Variants in BRDT observed in about 807,000 individuals in gnomAD.
BRDT encodes bromodomain testis-specific protein.
In BRDT, 77 loss-of-function variants were observed where a neutral mutation model predicts 113.9. The ratio of observed to expected loss-of-function variants is 0.68; its 90% confidence interval spans 0.56 to 0.82. BRDT has a LOEUF of 0.82. Among genes scored for constraint, BRDT ranks in the 40% least tolerant of loss-of-function variants. The probability of loss-of-function intolerance (pLI) is 0.00; values close to 1 mark genes in which losing one functional copy is unlikely to be tolerated. For synonymous variants in BRDT, 358 were observed against 366.5 expected (o/e 0.98, Z 0.26); for missense variants, 1,027 against 1,105.4 (o/e 0.93, Z 1.01).
intron 12 of BRDT, among the ~76,000 whole-genome samples, chr1:91,982,345 G>C (rs1407111310): frequency 2.0e-5 from 3 of 152,038 alleles, no homozygotes; most frequent in African/African-American, 7.2e-5. Context: ...ATATTATCTT[G>C]TATAGTTTAG....
In BRDT at chr1:91,979,585, A is replaced by G. The variant is rs756349996; in HGVS notation, c.1115A>G (p.His372Arg). The G allele has an allele frequency of 6.2e-7, 1 of 1,606,826 alleles. No individual in the cohort carries two copies. The highest frequency in any genetic ancestry group is 2.2e-5 in the East Asian group (1 of 44,848). ...ARMLQDVFET[H>R]FSKIPIEPVE... The stretch of plus-strand genomic sequence containing the variant: ...TCATTACAGGATGTTTTCGAAACGC[A>G]TTTTTCAAAGATCCCGATTGAACCT... Residue 372 changes from histidine to arginine, a missense_variant, in exon 8 of 19, where the codon CAT becomes CGT. His to Arg is a conservative substitution (Grantham distance 29, BLOSUM62 0). Transcript: ENST00000399546.
chr1:91,964,742 C>G lies in BRDT; in HGVS notation c.308C>G (p.Ser103Ter). 3.4e-6 allele frequency: 5 copies of G among 1,476,458 alleles called. No individual in the cohort carries two copies. Among genetic ancestry groups the G allele is most frequent in the Non-Finnish European group, 4.6e-6 (5 of 1,092,204 alleles). The allele number at this position is 1,476,458 out of a possible 1,614,324, so 91.5% of individuals were successfully genotyped here. The change falls in exon 3 of 19, where the codon TCA becomes TGA. Residue 103 changes from serine to a stop codon, truncating the protein, a stop_gained. Coordinates refer to ENST00000399546, the MANE Select transcript of BRDT (RefSeq NM_207189.4). LOFTEE classifies it high-confidence loss of function. ...ATAGAAGACTTCAATACAATGTTCT[C>G]AAATTGTTATTTATATAACAAGGTA... ...ECIEDFNTMF[S>*]NCYLYNKPGD...
At chr1:91,988,879 T>G (rs2101724072) in intron 12 of BRDT, among the ~76,000 whole-genome samples, 1 of 152,368 alleles carries the variant, frequency 6.6e-6, no homozygotes, top group South Asian at 2.1e-4. Context: ...AAGTCAATTA[T>G]GTAAGATTAG....
chr1:91,972,845 A>G (rs1186310749), intron 4 of BRDT, among the ~76,000 whole-genome samples: 5 of 152,230 alleles, frequency 3.3e-5, no homozygotes, highest in Non-Finnish European at 7.3e-5. Context: ...GAGGAATATC[A>G]GCCCTATCTT....
intron 12 of BRDT, among the ~76,000 whole-genome samples, chr1:91,985,391 C>A (rs1384579888): frequency 6.6e-6 from 1 of 151,850 alleles, no homozygotes; most frequent in African/African-American, 2.4e-5. Flanking sequence ...AATGGGGTTT[C>A]ATCATGATGG....
intron 18 of BRDT, among the ~76,000 whole-genome samples, chr1:92,006,716 C>T (rs564126669): frequency 1.2e-3 from 186 of 152,282 alleles, no homozygotes; most frequent in African/African-American, 4.4e-3. Flanking sequence ...AATCGCCTGC[C>T]TCGGCCTCCC....
At chr1:91,963,522 AC>A (rs1251106898) in intron 2 of BRDT, among the ~76,000 whole-genome samples, 1 of 152,128 alleles carries the variant, frequency 6.6e-6, no homozygotes, top group African/African-American at 2.4e-5. Context: ...CCTGAATTTT[AC>A]CTTTTCTATG....
intron 4 of BRDT, among the ~76,000 whole-genome samples, chr1:91,973,955 A>C (rs1346527826): frequency 1.3e-5 from 2 of 152,196 alleles, no homozygotes; most frequent in African/African-American, 4.8e-5. Context: ...CCAATGGAAC[A>C]GAACAGAGCC....
intron 1 of BRDT, among the ~76,000 whole-genome samples, chr1:91,961,007 G>A (rs554886246): frequency 1.3e-5 from 2 of 152,188 alleles, no homozygotes; most frequent in East Asian, 1.9e-4. Flanking sequence ...TAATAAATTC[G>A]GTTTTAAAAT....
At chr1:91,959,574 G>A (rs1265042333) in intron 1 of BRDT, among the ~76,000 whole-genome samples, 3 of 151,888 alleles carry the variant, frequency 2.0e-5, no homozygotes, top group African/African-American at 7.3e-5. Flanking sequence ...TCTACCTCCC[G>A]GGTTCAAGTG....
intron 2 of BRDT, 98 bp from the exon 3 acceptor site, chr1:91,964,529 C>T (rs2101582499): frequency 2.7e-6 from 2 of 734,628 alleles, no homozygotes; most frequent in East Asian, 6.2e-5. Flanking sequence ...CAGTTGCTCT[C>T]TCTAGTTGCA....
chr1:92,004,490 C>T lies in BRDT; in HGVS notation c.2465C>T (p.Ser822Leu). The T allele has an allele frequency of 6.2e-7, 1 of 1,613,194 alleles. No individual in the cohort carries two copies. Among genetic ancestry groups the T allele is most frequent in the Non-Finnish European group, 8.5e-7 (1 of 1,179,678 alleles). The stretch of plus-strand genomic sequence containing the variant: ...AAACCATCAGGTGTAATGAAATCCT[C>T]AGATGAGCTCTTCAACCAATTTAGA... ...PVKPSGVMKSSDELFNQFRKA... is the reference protein window; with the variant it reads ...PVKPSGVMKSLDELFNQFRKA... The change falls in exon 17 of 19, where the codon TCA (serine) becomes TTA (leucine). Residue 822 changes from serine to leucine, a missense_variant. Transcript: ENST00000399546.
intron 3 of BRDT, among the ~76,000 whole-genome samples, chr1:91,965,252 C>G (rs970947557): frequency 2.0e-5 from 3 of 152,040 alleles, no homozygotes; most frequent in African/African-American, 7.2e-5. Flanking sequence ...TACTTTTTCA[C>G]TGAATTTCAT....
intron 15 of BRDT, among the ~76,000 whole-genome samples, chr1:91,999,930 C>T (rs754760691): frequency 6.6e-6 from 1 of 152,196 alleles, no homozygotes; most frequent in Non-Finnish European, 1.5e-5. Context: ...GGCTGGAGTA[C>T]AGTGGCGCAA....
chr1:91,968,911 A>ATTATTTATTTATTTATTTAT (rs141543100), intron 4 of BRDT, among the ~76,000 whole-genome samples: 2 of 147,698 alleles, frequency 1.4e-5, no homozygotes, highest in African/African-American at 5.0e-5. Flanking sequence ...TATCAGGAAA[A>ATTATTTATTTATTTATTTAT]TTATTTATTT....
chr1:91,957,330 A>T (rs1008889242), intron 1 of BRDT, among the ~76,000 whole-genome samples: 2 of 152,066 alleles, frequency 1.3e-5, no homozygotes, highest in African/African-American at 4.8e-5. Flanking sequence ...TGTCTCTACT[A>T]AAAATACAAA....
chr1:91,961,272 C>G (rs1682414771), intron 1 of BRDT, among the ~76,000 whole-genome samples: 1 of 152,136 alleles, frequency 6.6e-6, no homozygotes, highest in South Asian at 2.1e-4. Flanking sequence ...AATTGTGCCA[C>G]TGCACTCCAG....
rs577385327 is a variant in BRDT, at chr1:91,996,398, A to G, written c.2287+2144A>G. ...CAAGTAGTTGGGATTACAGGCATGC[A>G]CCACCATATGCGGCTAATTTTTGTA... On this transcript the variant is annotated intron_variant, in intron 15 of 18. Transcript: ENST00000399546. 1.6e-4 allele frequency among the ~76,000 whole-genome samples: 24 copies of G among 152,222 alleles called. No individual in the cohort carries two copies. The South Asian group carries it at 4.1e-3, about 26-fold the overall frequency.
At chr1:91,981,807 G>A in intron 12 of BRDT, 52 bp downstream of exon 12, 1 of 1,493,574 alleles carries the variant, frequency 6.7e-7, no homozygotes, top group Non-Finnish European at 8.9e-7. Context: ...TTTTTTTCCT[G>A]TAATATTGAT....
Sources: allele counts gnomAD v4.1 joint callset (sites outside exome capture counted in the v4.1 genomes callset), GRCh38; gene constraint gnomAD v4.1.1; transcripts MANE v1.5; gene names NCBI Gene and HGNC (gene_info 2026-07-23, HGNC 2026-07-21).